Variants in NAV2 observed in about 807,000 individuals in gnomAD.
The protein encoded by NAV2 is neuron navigator 2, also known as helicase, APC down-regulated 1.
NAV2 carries 54 observed loss-of-function variants against 223.2 expected under a neutral mutation model. That is an observed-to-expected ratio of 0.24 (90% confidence interval 0.19 to 0.30). NAV2 has a LOEUF of 0.30. Among genes scored for constraint, NAV2 ranks in the 10% least tolerant of loss-of-function variants. NAV2 has a pLI of 1.00. For missense variants in NAV2, 2,806 were observed against 3,147.5 expected, an observed-to-expected ratio of 0.89 and a Z score of 2.60; for synonymous variants, 1,279 against 1,239.3, an observed-to-expected ratio of 1.03 and a Z score of -0.67.
At chr11:19,984,892 A>T (rs998183805) in intron 11 of NAV2, among the ~76,000 whole-genome samples, 7 of 152,092 alleles carry the variant, frequency 4.6e-5, no homozygotes, top group Admixed American at 1.3e-4. Flanking sequence ...ACCCTGAGCA[A>T]CCGATGAAGT....
chr11:19,866,366 C>A (rs1264557837), intron 3 of NAV2, among the ~76,000 whole-genome samples: 1 of 152,308 alleles, frequency 6.6e-6, no homozygotes, highest in South Asian at 2.1e-4. Flanking sequence ...TCACCTCCAC[C>A]CTCCATCCCT....
At chr11:19,443,153 C>T (rs1851465222) in intron 1 of NAV2, among the ~76,000 whole-genome samples, 1 of 152,230 alleles carries the variant, frequency 6.6e-6, no homozygotes, top group African/African-American at 2.4e-5. Context: ...TGTCCTGCTG[C>T]CACCTATGGC....
In NAV2 at chr11:19,857,136, C is replaced by T. The variant is rs146665863; in HGVS notation, c.439-11789C>T. Among the ~76,000 whole-genome samples, 1,267 of 152,326 alleles carry T rather than the reference C, an allele frequency of 8.3e-3. 14 individuals carry two copies. The highest frequency in any genetic ancestry group is 0.029 in the African/African-American group (1,205 of 41,578). ...ATAACAATGTGGTCTAGTGCTTCTTCCAAAACTGAAGATTCACTGCACTCT... is the reference window on the plus strand; with the variant it reads ...ATAACAATGTGGTCTAGTGCTTCTTTCAAAACTGAAGATTCACTGCACTCT... On this transcript the variant is annotated intron_variant, in intron 3 of 37. Transcript: ENST00000349880.
intron 1 of NAV2, among the ~76,000 whole-genome samples, chr11:19,606,464 A>G (rs1264030523): frequency 6.6e-6 from 1 of 152,072 alleles, no homozygotes; most frequent in Admixed American, 6.5e-5. Flanking sequence ...CGCTGACCTC[A>G]CTTCTCCATT....
chr11:19,578,008 CA>C (rs1207331903), intron 1 of NAV2, among the ~76,000 whole-genome samples: 3 of 152,206 alleles, frequency 2.0e-5, no homozygotes, highest in African/African-American at 7.2e-5. Context: ...GGATCCAGAG[CA>C]TTTTCTGCTT....
intron 2 of NAV2, among the ~76,000 whole-genome samples, chr11:19,839,117 G>A (rs562052381): frequency 2.6e-5 from 4 of 152,180 alleles, no homozygotes; most frequent in East Asian, 1.9e-4. Context: ...TGTGTTCAAC[G>A]TCTTGTTAGT....
At chr11:19,777,518 G>C (rs1178085959) in intron 1 of NAV2, 4 of 455,414 alleles carry the variant, frequency 8.8e-6, no homozygotes, top group African/African-American at 4.0e-5. Context: ...CATGAAGCTG[G>C]TAAGGGTGGA....
chr11:20,066,391 T>A (rs2059043464), intron 20 of NAV2, among the ~76,000 whole-genome samples: 1 of 152,220 alleles, frequency 6.6e-6, no homozygotes, highest in Non-Finnish European at 1.5e-5. Flanking sequence ...AAAGCATTTC[T>A]TAGATAAGGA....
At chr11:19,512,022 C>G (rs1015565705) in intron 1 of NAV2, among the ~76,000 whole-genome samples, 2 of 152,166 alleles carry the variant, frequency 1.3e-5, no homozygotes, top group Non-Finnish European at 1.5e-5. Context: ...CCCTCTGGGT[C>G]CCTGCCTAAT....
rs541165553 is a variant in NAV2 at position 19,693,262 on chromosome 11, G to A, written c.76-139222G>A. Among the ~76,000 whole-genome samples the A allele has an allele frequency of 8.5e-5, 13 of 152,352 alleles. 1 individual carries two copies. Among genetic ancestry groups the A allele is most frequent in the Middle Eastern group, 3.4e-3 (1 of 294 alleles). ...GGGATGGGAGGGGATGCTGTGTTTC[G>A]AGTGAGATAGCCGATGGCTTGTTTG... On this transcript the variant is annotated intron_variant, in intron 1 of 37. Coordinates refer to the NAV2 transcript ENST00000360655.
At chr11:20,070,978 T>A (rs185407382) in intron 22 of NAV2, among the ~76,000 whole-genome samples, 24 of 152,276 alleles carry the variant, frequency 1.6e-4, no homozygotes, top group Non-Finnish European at 2.4e-4. Flanking sequence ...TATTATACTT[T>A]AAGTTCTGGG....
chr11:19,428,452 T>C (rs1023258267), intron 1 of NAV2, among the ~76,000 whole-genome samples: 2 of 152,224 alleles, frequency 1.3e-5, no homozygotes, highest in South Asian at 4.1e-4. Flanking sequence ...GTGTACCTTC[T>C]TGGCTGCATT....
chr11:19,446,865 A>G (rs888832990), intron 1 of NAV2, among the ~76,000 whole-genome samples: 1 of 152,154 alleles, frequency 6.6e-6, no homozygotes, highest in East Asian at 1.9e-4. Flanking sequence ...ACAGATGTTG[A>G]TGTAGCCTGG....
intron 1 of NAV2, among the ~76,000 whole-genome samples, chr11:19,611,843 G>T (rs577750182): frequency 4.6e-5 from 7 of 152,342 alleles, no homozygotes; most frequent in Admixed American, 1.3e-4. Flanking sequence ...GAGAATGGTG[G>T]CCCTCTTCTC....
chr11:20,047,470 C>T (rs765518068), intron 14 of NAV2, among the ~76,000 whole-genome samples: 1 of 152,080 alleles, frequency 6.6e-6, no homozygotes, highest in East Asian at 1.9e-4. Flanking sequence ...TGTAGTCATG[C>T]ATAGCAGAAT....
At chr11:19,752,295 C>T (rs962441674) in intron 1 of NAV2, among the ~76,000 whole-genome samples, 4 of 152,184 alleles carry the variant, frequency 2.6e-5, no homozygotes, top group Non-Finnish European at 5.9e-5. Flanking sequence ...GGTACCTGTG[C>T]ACTTATTTTC....
chr11:19,620,320 G>A (rs1411346869), intron 1 of NAV2, among the ~76,000 whole-genome samples: 2 of 152,148 alleles, frequency 1.3e-5, no homozygotes, highest in Non-Finnish European at 1.5e-5. Flanking sequence ...GCTTGATGGG[G>A]ATGGCATTGA....
intron 1 of NAV2, among the ~76,000 whole-genome samples, chr11:19,425,761 C>A (rs183541682): frequency 6.6e-6 from 1 of 152,088 alleles, no homozygotes; most frequent in Non-Finnish European, 1.5e-5. Context: ...CTTTTTCACA[C>A]GTGAATAGGT....
intron 1 of NAV2, among the ~76,000 whole-genome samples, chr11:19,665,899 AT>A (rs1243566512): frequency 6.6e-6 from 1 of 152,182 alleles, no homozygotes; most frequent in East Asian, 1.9e-4. Flanking sequence ...TCACAACATA[AT>A]TTCAAAGAAT....
Sources: gnomAD v4.1 joint callset for allele counts (sites outside exome capture counted in the v4.1 genomes callset) on GRCh38, gnomAD v4.1.1 for gene constraint, MANE v1.5 for transcripts, NCBI Gene and HGNC (gene_info 2026-07-23, HGNC 2026-07-21) for gene names.